TNR: variants seen among roughly 807,000 people sequenced by gnomAD.
TNR encodes the protein tenascin R, also known as tenascin-R.
TNR carries 45 observed loss-of-function variants against 150.4 expected under a neutral mutation model. That is an observed-to-expected ratio of 0.30 (90% confidence interval 0.24 to 0.38). The LOEUF (loss-of-function observed/expected upper bound fraction) is 0.38. TNR is among the 10% of genes least tolerant of loss of function. TNR has a pLI of 1.00. For synonymous variants in TNR, 687 were observed against 678.4 expected (o/e 1.01, Z -0.20); for missense variants, 1,544 against 1,759.1 (o/e 0.88, Z 2.19).
At chr1:175,443,304 T>A (rs1208654566) in intron 2 of TNR, among the ~76,000 whole-genome samples, 2 of 152,202 alleles carry the variant, frequency 1.3e-5, no homozygotes, top group Non-Finnish European at 2.9e-5. Context: ...TTTCCTCCTC[T>A]GAATGGTACT....
At chr1:175,713,408 C>T (rs763994989) in intron 1 of TNR, among the ~76,000 whole-genome samples, 1 of 151,998 alleles carries the variant, frequency 6.6e-6, no homozygotes, top group Non-Finnish European at 1.5e-5. Flanking sequence ...GATGCAAGAA[C>T]ATTGTGGGTT....
chr1:175,589,207 A>G (rs767110406), intron 1 of TNR, among the ~76,000 whole-genome samples: 23 of 152,174 alleles, frequency 1.5e-4, no homozygotes, highest in Non-Finnish European at 2.8e-4. Context: ...TGACCCCATC[A>G]TATGGTGCTG....
chr1:175,462,047 GAGATCCTATTTGAA>G (rs1656845200), intron 2 of TNR, among the ~76,000 whole-genome samples: 2 of 152,226 alleles, frequency 1.3e-5, no homozygotes, highest in Non-Finnish European at 2.9e-5. Flanking sequence ...AGACTCAAAT[GAGATCCTATTTGAA>G]AGCACCTATC....
At chr1:175,483,189 C>T (rs1199188165) in intron 2 of TNR, among the ~76,000 whole-genome samples, 1 of 152,176 alleles carries the variant, frequency 6.6e-6, no homozygotes, top group Non-Finnish European at 1.5e-5. Context: ...CCGGGAAAGA[C>T]AGTCTAGTCA....
chr1:175,712,619 G>C (rs1667048569), intron 1 of TNR, among the ~76,000 whole-genome samples: 2 of 152,198 alleles, frequency 1.3e-5, no homozygotes, highest in African/African-American at 2.4e-5. Context: ...TGAATCATGA[G>C]AGCAGATCCC....
At chr1:175,329,320 C>T (rs1649584722) in intron 21 of TNR, among the ~76,000 whole-genome samples, 1 of 152,122 alleles carries the variant, frequency 6.6e-6, no homozygotes, top group Non-Finnish European at 1.5e-5. Context: ...TATAATAGAA[C>T]ATGGGAAACA....
chr1:175,465,553 C>T (rs1235251517), intron 2 of TNR, among the ~76,000 whole-genome samples: 1 of 152,220 alleles, frequency 6.6e-6, no homozygotes, highest in Non-Finnish European at 1.5e-5. Context: ...CCAGTCTCTT[C>T]ATCCCTGCAG....
chr1:175,559,568 A>T lies in TNR; in HGVS notation c.-164-31199T>A, dbSNP rs10913003. On this transcript the variant is annotated intron_variant, in intron 1 of 22. Transcript: ENST00000367674. ...ATTTCTTTATTACTTTCCTTCGTAC[A>T]TATGTATCACTGAAGAATACATATC... Among the ~76,000 whole-genome samples the T allele has an allele frequency of 5.0e-4, 76 of 152,234 alleles. No homozygotes were observed. In the Middle Eastern group the frequency reaches 0.02, roughly 41 times the overall value.
At chr1:175,516,826 T>G (rs1415298904) in intron 2 of TNR, among the ~76,000 whole-genome samples, 1 of 152,172 alleles carries the variant, frequency 6.6e-6, no homozygotes, top group Non-Finnish European at 1.5e-5. Context: ...TGTAGTGCAT[T>G]TTTTAGTAAT....
chr1:175,706,299 T>A (rs1235872368), intron 1 of TNR, among the ~76,000 whole-genome samples: 3 of 152,172 alleles, frequency 2.0e-5, no homozygotes, highest in Non-Finnish European at 4.4e-5. Flanking sequence ...GAGGACTTGG[T>A]ACAGGCTAGG....
Position 175,598,847 on chromosome 1 carries a change from C to T in TNR, c.-164-70478G>A, listed in dbSNP as rs56993857. On this transcript the variant is annotated intron_variant, in intron 1 of 22. Transcript: ENST00000367674. ...GCTCAGTGGCATGTAAATCACTCTG[C>T]CACTCTAGAATCTCAAGTTCCCCAA... Among the ~76,000 whole-genome samples, 1,076 of 152,306 alleles carry T rather than the reference C, an allele frequency of 7.1e-3. 10 individuals carry two copies. The highest frequency in any genetic ancestry group is 0.024 in the African/African-American group (988 of 41,562).
In TNR at chr1:175,363,716, G is replaced by T. The variant is rs1409173203; in HGVS notation, c.2699C>A (p.Pro900His). 6.2e-7 allele frequency: 1 copy of T among 1,613,122 alleles called. No homozygotes were observed. Among genetic ancestry groups the T allele is most frequent in the Admixed American group, 1.7e-5 (1 of 59,906 alleles). The change falls in exon 13 of 23, where the codon CCC becomes CAC. Residue 900 changes from proline (P) to histidine (H), a missense_variant. Physicochemically the swap from Pro to His is moderately conservative, Grantham distance 77. Coordinates refer to ENST00000367674, the MANE Select transcript of TNR (RefSeq NM_003285.3). ...SFDYYRVSYR[P>H]TQVGRLDSSV... Reference sequence around the variant, plus strand: ...TCAAATCACTTTGTTACCTTGGGTGGGTCGATATGATACTCGGTAGTAATC... The same window carrying T: ...TCAAATCACTTTGTTACCTTGGGTGTGTCGATATGATACTCGGTAGTAATC...
intron 2 of TNR, among the ~76,000 whole-genome samples, chr1:175,491,513 T>C (rs1658248062): frequency 6.6e-6 from 1 of 152,210 alleles, no homozygotes; most frequent in Non-Finnish European, 1.5e-5. Flanking sequence ...TAGTCATTTT[T>C]ACAAATGAGC....
chr1:175,489,937 C>G (rs533618042), intron 2 of TNR, among the ~76,000 whole-genome samples: 2 of 152,192 alleles, frequency 1.3e-5, no homozygotes, highest in African/African-American at 4.8e-5. Flanking sequence ...GCAAAAATAA[C>G]AAAGCTGGAG....
At chr1:175,471,405 T>C (rs192265085) in intron 2 of TNR, among the ~76,000 whole-genome samples, 16 of 152,320 alleles carry the variant, frequency 1.1e-4, no homozygotes, top group Admixed American at 5.9e-4. Context: ...TACACAAACC[T>C]AGGTGGTAGA....
intron 1 of TNR, among the ~76,000 whole-genome samples, chr1:175,716,118 C>T (rs191657145): frequency 6.6e-6 from 1 of 152,282 alleles, no homozygotes; most frequent in African/African-American, 2.4e-5. Context: ...TCCTCTTTGT[C>T]CTTCTGCTTC....
intron 1 of TNR, among the ~76,000 whole-genome samples, chr1:175,620,077 C>T (rs1182076256): frequency 6.6e-6 from 1 of 152,214 alleles, no homozygotes; most frequent in Non-Finnish European, 1.5e-5. Context: ...CACATAGATG[C>T]AGTCATCTCT....
rs1468796178 is a variant in TNR, at chr1:175,640,617, C to T, written c.-165+102609G>A. 2.0e-5 allele frequency among the ~76,000 whole-genome samples: 3 copies of T among 152,200 alleles called. No individual in the cohort carries two copies. In the East Asian group the frequency reaches 5.8e-4, roughly 29 times the overall value. ...GACCCAGGGTAAGGTTTCTGCCATT[C>T]CCTTATATCTCCTTGGGCTCACGAC... On this transcript the variant is annotated intron_variant, in intron 1 of 22. Transcript: ENST00000367674.
intron 18 of TNR, among the ~76,000 whole-genome samples, chr1:175,353,851 A>ATTTTTTTT (rs55981326): frequency 6.8e-4 from 100 of 146,198 alleles, no homozygotes; most frequent in Middle Eastern, 3.5e-3. Context: ...ATTTTTATTT[A>ATTTTTTTT]TTTTTTTTTT....
Sources: gnomAD v4.1 joint callset for allele counts (sites outside exome capture counted in the v4.1 genomes callset) on GRCh38, gnomAD v4.1.1 for gene constraint, MANE v1.5 for transcripts, NCBI Gene and HGNC (gene_info 2026-07-23, HGNC 2026-07-21) for gene names.